SORCS1: variants seen among roughly 807,000 people sequenced by gnomAD.
SORCS1 encodes VPS10 domain-containing receptor SorCS1.
SORCS1 carries 60 observed loss-of-function variants against 146.1 expected under a neutral mutation model. That is an observed-to-expected ratio of 0.41 (90% confidence interval 0.33 to 0.51). The LOEUF is 0.51. Among genes scored for constraint, SORCS1 ranks in the 20% least tolerant of loss-of-function variants. SORCS1 has a pLI of 0.21. For synonymous variants in SORCS1, 637 were observed against 584.0 expected (o/e 1.09, Z -1.31); for missense variants, 1,352 against 1,487.6 (o/e 0.91, Z 1.50).
intron 9 of SORCS1, among the ~76,000 whole-genome samples, chr10:106,695,712 TTAATGA>T (rs1853647019): frequency 9.2e-5 from 2 of 21,824 alleles, no homozygotes; most frequent in Admixed American, 4.1e-4. Flanking sequence ...ATTAATGATA[TTAATGA>T]TAACAAAATT....
chr10:106,808,561 G>A (rs2136745081), intron 3 of SORCS1, among the ~76,000 whole-genome samples: 1 of 152,174 alleles, frequency 6.6e-6, no homozygotes, highest in African/African-American at 2.4e-5. Context: ...GGAGTGCAGT[G>A]GCGTGATCTC....
At chr10:106,975,381 G>A (rs1955948857) in intron 1 of SORCS1, among the ~76,000 whole-genome samples, 1 of 152,188 alleles carries the variant, frequency 6.6e-6, no homozygotes, top group Non-Finnish European at 1.5e-5. Flanking sequence ...CATATTTGCT[G>A]CTTTTTAAAA....
chr10:106,859,403 C>CT lies in SORCS1; in HGVS notation c.627-29731dup, dbSNP rs1230811660. On this transcript the variant is annotated intron_variant, in intron 2 of 25. Transcript: ENST00000263054. ...TCAAGGCTGGAATCAAATATCCTTT[C>CT]TTTTTTTTTGAGACTGGGTCTCACT... Among the ~76,000 whole-genome samples, 179 of 151,572 alleles carry CT rather than the reference C, an allele frequency of 1.2e-3. 3 individuals are homozygous for CT. Among genetic ancestry groups the CT allele is most frequent in the Non-Finnish European group, 3.7e-4 (25 of 67,764 alleles).
intron 1 of SORCS1, among the ~76,000 whole-genome samples, chr10:107,095,003 G>A (rs1048222617): frequency 4.6e-5 from 7 of 152,142 alleles, no homozygotes; most frequent in Admixed American, 2.0e-4. Context: ...TCACCAACGC[G>A]GGACAGCTCT....
intron 1 of SORCS1, among the ~76,000 whole-genome samples, chr10:107,002,959 T>C (rs911636761): frequency 2.6e-5 from 4 of 152,142 alleles, no homozygotes; most frequent in Non-Finnish European, 5.9e-5. Context: ...CTCATTACTA[T>C]AAAAAGTTGT....
intron 1 of SORCS1, among the ~76,000 whole-genome samples, chr10:107,137,904 C>G (rs933423187): frequency 6.6e-6 from 1 of 151,822 alleles, no homozygotes; most frequent in Non-Finnish European, 1.5e-5. Context: ...ATTTTATACG[C>G]TTTTTTAACT....
At position 106,776,517 on chromosome 10, in the gene SORCS1, A is replaced by G. The variant is rs1860444399; in HGVS notation, c.885+17T>C. On this transcript the variant is annotated intron_variant, in intron 4 of 25. Transcript: ENST00000263054. ...AGAACCATGCTTCATTGTCTCAAAC[A>G]AGGTAAGTATGCTCACCTTTTGGTC... 6.2e-7 allele frequency: 1 copy of G among 1,612,630 alleles called. No individual in the cohort carries two copies. Among genetic ancestry groups the G allele is most frequent in the Non-Finnish European group, 8.5e-7 (1 of 1,179,102 alleles).
rs1948450001 is a variant in SORCS1, at chr10:106,829,559, A to G, written c.726+15T>C. 1.9e-6 allele frequency: 3 copies of G among 1,564,066 alleles called. No homozygotes were observed. The African/African-American group carries it at 4.0e-5, about 21-fold the overall frequency. On this transcript the variant is annotated intron_variant, in intron 3 of 25. Coordinates refer to ENST00000263054, the MANE Select transcript of SORCS1 (RefSeq NM_052918.5). ...ACATCATGAATGAGTAGCATGCTGA[A>G]TATACATTTCTTACCTTACGCTTGT... is the stretch of plus-strand genomic sequence containing the variant.
chr10:106,751,793 A>T (rs192121954), intron 5 of SORCS1, among the ~76,000 whole-genome samples: 1 of 152,204 alleles, frequency 6.6e-6, no homozygotes, highest in Non-Finnish European at 1.5e-5. Context: ...ACATGTGTAC[A>T]TGTACAAGCA....
chr10:106,683,435 G>C (rs1349247801), intron 10 of SORCS1, among the ~76,000 whole-genome samples: 1 of 152,064 alleles, frequency 6.6e-6, no homozygotes, highest in African/African-American at 2.4e-5. Flanking sequence ...ATGCAGACTT[G>C]GTCTTTTTGT....
chr10:106,698,605 T>C (rs183716130), intron 9 of SORCS1, among the ~76,000 whole-genome samples: 3 of 152,368 alleles, frequency 2.0e-5, no homozygotes, highest in East Asian at 3.9e-4. Flanking sequence ...CTTTTGAATC[T>C]TGGCCATTTT....
chr10:106,680,850 A>G (rs980439130), intron 10 of SORCS1, among the ~76,000 whole-genome samples: 1 of 152,158 alleles, frequency 6.6e-6, no homozygotes, highest in Admixed American at 6.5e-5. Context: ...TCAGACACCT[A>G]CAGATACAAT....
chr10:107,101,749 ATGTGTG>A (rs34645920), intron 1 of SORCS1, among the ~76,000 whole-genome samples: 4,318 of 147,324 alleles, frequency 0.029, 199 homozygotes, highest in African/African-American at 0.1. Context: ...TGGGCTAATT[ATGTGTG>A]TGTGTGTGTG....
chr10:106,814,638 G>A (rs1002209958), intron 3 of SORCS1, among the ~76,000 whole-genome samples: 4 of 152,000 alleles, frequency 2.6e-5, no homozygotes, highest in South Asian at 4.1e-4. Context: ...GTCTTGGCCG[G>A]GCGCAGTCGC....
intron 1 of SORCS1, among the ~76,000 whole-genome samples, chr10:107,014,898 T>C (rs1043345819): frequency 2.6e-5 from 4 of 152,232 alleles, no homozygotes; most frequent in African/African-American, 9.6e-5. Context: ...TGATATGAAT[T>C]CCTAAAGGAA....
At chr10:106,577,661 C>T in intron 25 of SORCS1, 106 bp from the exon 26 acceptor site, 1 of 1,530,892 alleles carries the variant, frequency 6.5e-7, no homozygotes, top group South Asian at 1.3e-5. Context: ...GGAGGAATTA[C>T]TACTTTAATA....
intron 1 of SORCS1, among the ~76,000 whole-genome samples, chr10:106,988,613 T>C (rs1373816057): frequency 6.6e-6 from 1 of 152,134 alleles, no homozygotes; most frequent in Non-Finnish European, 1.5e-5. Flanking sequence ...CTAGAAATCT[T>C]TTGACTGCCT....
At chr10:106,867,287 A>ATT (rs57311191) in intron 2 of SORCS1, among the ~76,000 whole-genome samples, 30 of 144,956 alleles carry the variant, frequency 2.1e-4, no homozygotes, top group African/African-American at 6.8e-4. Flanking sequence ...CTTATATTAA[A>ATT]TTTTTTTTTT....
chr10:107,108,113 G>A (rs560522050), intron 1 of SORCS1, among the ~76,000 whole-genome samples: 19 of 152,276 alleles, frequency 1.2e-4, no homozygotes, highest in South Asian at 4.1e-4. Context: ...CCTCTGAGCT[G>A]TTGGTTGTGA....
Sources: gnomAD v4.1 joint callset for allele counts (sites outside exome capture counted in the v4.1 genomes callset) on GRCh38, gnomAD v4.1.1 for gene constraint, MANE v1.5 for transcripts, NCBI Gene and HGNC (gene_info 2026-07-23, HGNC 2026-07-21) for gene names.